Variants in PPP4R4 observed in about 807,000 individuals in gnomAD.
The protein encoded by PPP4R4 is protein phosphatase 4 regulatory subunit 4.
Under a neutral mutation model 121.8 loss-of-function variants are expected in PPP4R4, and 70 were observed. The ratio of observed to expected loss-of-function variants is 0.57; its 90% confidence interval spans 0.47 to 0.70. The LOEUF is 0.70. PPP4R4 is among the 30% of genes least tolerant of loss of function. The pLI, the probability that PPP4R4 is intolerant of heterozygous loss-of-function variation, is 0.00. For missense variants in PPP4R4, 875 were observed against 1,033.6 expected, an observed-to-expected ratio of 0.85 and a Z score of 2.10; for synonymous variants, 348 against 355.7, an observed-to-expected ratio of 0.98 and a Z score of 0.24.
At chr14:94,195,744 A>G (rs1345966318) in intron 2 of PPP4R4, among the ~76,000 whole-genome samples, 2 of 152,102 alleles carry the variant, frequency 1.3e-5, no homozygotes, top group African/African-American at 2.4e-5. Flanking sequence ...GTTGAGAACC[A>G]CTAGCTAACC....
intron 19 of PPP4R4, among the ~76,000 whole-genome samples, chr14:94,260,857 C>CT (rs1263758757): frequency 1.3e-5 from 2 of 151,896 alleles, no homozygotes; most frequent in South Asian, 2.1e-4. Flanking sequence ...TTTGATAATT[C>CT]TTTTTTGTTC....
rs751511100 is a variant in PPP4R4 at position 94,265,431 on chromosome 14, C to A, written c.2242C>A (p.Pro748Thr). 1 of 1,613,066 alleles carries A rather than the reference C, an allele frequency of 6.2e-7. No homozygotes were observed. Among genetic ancestry groups the A allele is most frequent in the African/African-American group, 1.3e-5 (1 of 74,882 alleles). ...AACGCAAAGTCTGCCCAAGAACATC[C>A]CCATTTCTGTTCCTGGACCCTCTTC... ...TPTQSLPKNI[P>T]ISVPGPSSVT... Residue 748 changes from proline to threonine, a missense_variant, in exon 21 of 25, where the codon CCC becomes ACC. Transcript: ENST00000304338.
In PPP4R4 at chr14:94,258,698, C is replaced by G. The variant is rs1017982075; in HGVS notation, c.2011-85C>G. ...TAGTGCAGAAGTCTTCTATTTGAAC[C>G]TCCATTTGCAAAATAAGTTGCTGAG... On this transcript the variant is annotated intron_variant, in intron 17 of 24. Transcript: ENST00000304338. 3 of 976,956 alleles carry G rather than the reference C, an allele frequency of 3.1e-6. No individual in the cohort carries two copies. The South Asian group carries it at 4.2e-5, about 14-fold the overall frequency. 60.5% of individuals were successfully genotyped at this position (976,956 alleles called of 1,614,324 possible).
intron 2 of PPP4R4, among the ~76,000 whole-genome samples, chr14:94,197,368 G>A (rs763948008): frequency 6.6e-5 from 10 of 151,982 alleles, no homozygotes; most frequent in East Asian, 1.9e-4. Flanking sequence ...ATCTTATCAC[G>A]TAGTTATGGT....
chr14:94,217,994 C>T (rs1042598811), intron 3 of PPP4R4, among the ~76,000 whole-genome samples: 1 of 150,742 alleles, frequency 6.6e-6, no homozygotes, highest in Admixed American at 6.6e-5. Flanking sequence ...AACACTGTCT[C>T]AAATGAAAAA....
intron 2 of PPP4R4, among the ~76,000 whole-genome samples, chr14:94,201,085 A>G (rs768435599): frequency 1.3e-5 from 2 of 152,182 alleles, no homozygotes; most frequent in Admixed American, 6.5e-5. Flanking sequence ...TGTTGACTCA[A>G]TGATCATTCA....
Position 94,174,526 on chromosome 14 carries a change from A to G in PPP4R4, c.61A>G (p.Met21Val), listed in dbSNP as rs533029460. ...DFSQNSLFGY[M>V]EDLQELTIIE... is the part of the protein sequence containing the mutation. Reference sequence around the variant, plus strand: ...CAGTCAGAACAGCCTGTTCGGTTACATGGAGGACCTGCAGGAGCTCACCAT... The same window carrying G: ...CAGTCAGAACAGCCTGTTCGGTTACGTGGAGGACCTGCAGGAGCTCACCAT... The change falls in exon 1 of 25, where the codon ATG (methionine) becomes GTG (valine). Residue 21 changes from methionine (M) to valine (V), a missense_variant. Transcript: ENST00000304338. The G allele has an allele frequency of 3.1e-6, 5 of 1,612,494 alleles. No homozygotes were observed. The highest frequency in any genetic ancestry group is 1.7e-5 in the Admixed American group (1 of 59,986).
chr14:94,190,189 G>A (rs555333019), intron 2 of PPP4R4, among the ~76,000 whole-genome samples: 44 of 151,820 alleles, frequency 2.9e-4, no homozygotes, highest in African/African-American at 1.0e-3. Flanking sequence ...TTGTTTGTTT[G>A]TTTATTTTTA....
chr14:94,255,517 C>T (rs949285761), intron 16 of PPP4R4, among the ~76,000 whole-genome samples: 2 of 151,834 alleles, frequency 1.3e-5, no homozygotes, highest in African/African-American at 4.8e-5. Context: ...AGGAGAATGG[C>T]ATGAACCTGG....
At chr14:94,206,299 C>G (rs764628515) in intron 2 of PPP4R4, among the ~76,000 whole-genome samples, 5 of 151,888 alleles carry the variant, frequency 3.3e-5, no homozygotes, top group Admixed American at 6.6e-5. Flanking sequence ...TCTTTTGATT[C>G]ACATTTCTAT....
chr14:94,199,798 G>T (rs1460737218), intron 2 of PPP4R4, among the ~76,000 whole-genome samples: 3 of 152,196 alleles, frequency 2.0e-5, no homozygotes, highest in Non-Finnish European at 2.9e-5. Context: ...TTATGCGGAT[G>T]CGCTCCTCTT....
chr14:94,217,975 CAA>C (rs367873236), intron 3 of PPP4R4, among the ~76,000 whole-genome samples: 100 of 151,796 alleles, frequency 6.6e-4, no homozygotes, highest in African/African-American at 2.4e-3. Context: ...GCATAGGCAA[CAA>C]GAGCAAAACA....
intron 11 of PPP4R4, among the ~76,000 whole-genome samples, chr14:94,243,970 G>A (rs1892759267): frequency 7.1e-6 from 1 of 140,898 alleles, no homozygotes; most frequent in Non-Finnish European, 1.5e-5. Flanking sequence ...CTTTATCCAG[G>A]GACCATTTTT....
intron 3 of PPP4R4, among the ~76,000 whole-genome samples, chr14:94,219,276 A>C (rs888104782): frequency 1.3e-5 from 2 of 151,964 alleles, no homozygotes; most frequent in African/African-American, 4.8e-5. Flanking sequence ...GGGTTTCACC[A>C]TGTTGGCCAG....
chr14:94,257,841 C>T (rs1474584652), intron 17 of PPP4R4, among the ~76,000 whole-genome samples: 11 of 152,092 alleles, frequency 7.2e-5, no homozygotes, highest in African/African-American at 2.7e-4. Context: ...ACAGGTGTAA[C>T]AGTGATGTAA....
chr14:94,198,545 G>A (rs1245990814), intron 2 of PPP4R4, among the ~76,000 whole-genome samples: 1 of 152,136 alleles, frequency 6.6e-6, no homozygotes. Flanking sequence ...TTATTTGGTT[G>A]ATTTTTAAAT....
rs1243122 is a variant in PPP4R4, at chr14:94,204,616, C to A, written c.192-3848C>A. On this transcript the variant is annotated intron_variant, in intron 2 of 24. Transcript: ENST00000304338. The stretch of plus-strand genomic sequence containing the variant: ...TAGAAAAAATATAATCTATGTCTCC[C>A]GAAATCTTGTTGGTATTTTGATAGG... Among the ~76,000 whole-genome samples, 2 of 151,832 alleles carry A rather than the reference C, an allele frequency of 1.3e-5. 1 individual carries two copies. Among genetic ancestry groups the A allele is most frequent in the Non-Finnish European group, 2.9e-5 (2 of 67,982 alleles).
At chr14:94,275,946 C>G (rs1430908442) in intron 24 of PPP4R4, among the ~76,000 whole-genome samples, 2 of 152,084 alleles carry the variant, frequency 1.3e-5, no homozygotes, top group South Asian at 2.1e-4. Context: ...ATTGTGAGTC[C>G]AATAAACTGA....
chr14:94,234,594 C>T lies in PPP4R4; in HGVS notation c.656C>T (p.Ser219Leu), dbSNP rs1277852601. ...IKREILPLVKSLCQDVEYEVR... is the reference protein window; with the variant it reads ...IKREILPLVKLLCQDVEYEVR... ...CGAGAAATACTTCCTCTGGTAAAAT[C>T]ACTCTGTCAAGATGTAGAATATGAA... is the stretch of plus-strand genomic sequence containing the variant. The change falls in exon 7 of 25, where the codon TCA (serine) becomes TTA (leucine). Residue 219 changes from serine to leucine, a missense_variant. By Grantham distance (145) the Ser-to-Leu change is moderately radical (BLOSUM62 -2). Coordinates refer to ENST00000304338, the MANE Select transcript of PPP4R4 (RefSeq NM_058237.2). 7 of 1,607,250 alleles carry T rather than the reference C, an allele frequency of 4.4e-6. No homozygotes were observed. Among genetic ancestry groups the T allele is most frequent in the Non-Finnish European group, 6.0e-6 (7 of 1,174,616 alleles).
Sources: gnomAD v4.1 joint callset for allele counts (sites outside exome capture counted in the v4.1 genomes callset) on GRCh38, gnomAD v4.1.1 for gene constraint, MANE v1.5 for transcripts, NCBI Gene and HGNC (gene_info 2026-07-23, HGNC 2026-07-21) for gene names.